Variants in LRRFIP2 observed in about 807,000 individuals in gnomAD.
LRRFIP2 encodes the protein LRR binding FLII interacting protein 2, also known as leucine-rich repeat flightless-interacting protein 2.
In LRRFIP2, 109 loss-of-function variants were observed where a neutral mutation model predicts 125.9. The observed-to-expected ratio is 0.87, with a 90% confidence interval of 0.74 to 1.01. The LOEUF (loss-of-function observed/expected upper bound fraction) is 1.01. LRRFIP2 is among the 50% of genes least tolerant of loss of function. The pLI is 0.00. For synonymous variants in LRRFIP2, 291 were observed against 293.1 expected, an observed-to-expected ratio of 0.99 and a Z score of 0.07; for missense variants, 850 against 862.3, an observed-to-expected ratio of 0.99 and a Z score of 0.18.
At position 37,105,438 on chromosome 3, in the gene LRRFIP2, A is replaced by T; in HGVS notation, c.783+17T>A. ...TTTAAAACTCATCTTATTTCTTTGC[A>T]TGCAAATCATGCTCACCACACTCTC... On this transcript the variant is annotated intron_variant, in intron 14 of 27. Transcript: ENST00000336686. 1 of 1,608,922 alleles carries T rather than the reference A, an allele frequency of 6.2e-7. No individual in the cohort carries two copies. The highest frequency in any genetic ancestry group is 1.1e-5 in the South Asian group (1 of 90,974).
At chr3:37,098,319 G>A (rs2093831163) in intron 15 of LRRFIP2, among the ~76,000 whole-genome samples, 1 of 151,170 alleles carries the variant, frequency 6.6e-6, no homozygotes, top group Non-Finnish European at 1.5e-5. Flanking sequence ...GGGTACATGT[G>A]TACAACGTGC....
intron 2 of LRRFIP2, among the ~76,000 whole-genome samples, chr3:37,147,083 T>C (rs2095873946): frequency 6.6e-6 from 1 of 151,166 alleles, no homozygotes; most frequent in Non-Finnish European, 1.5e-5. Flanking sequence ...AAAGAAGCAA[T>C]GTATGCAGCC....
chr3:37,116,023 A>T (rs543403153), intron 6 of LRRFIP2, among the ~76,000 whole-genome samples: 1 of 152,316 alleles, frequency 6.6e-6, no homozygotes, highest in African/African-American at 2.4e-5. Context: ...TCTTATATTC[A>T]TTTAAAATTT....
rs774564606 is a variant in LRRFIP2, at chr3:37,054,394, C to T, written c.2055+17G>A. On this transcript the variant is annotated intron_variant, in intron 27 of 27. Coordinates refer to ENST00000336686, the MANE Select transcript of LRRFIP2 (RefSeq NM_006309.4). ...TTTTAGGAATGTATTCTCCAAGAAA[C>T]ATATTAAAAGAAGTACCTCTCGTTG... is the stretch of plus-strand genomic sequence containing the variant. 1.9e-6 allele frequency: 3 copies of T among 1,576,036 alleles called. No homozygotes were observed. The highest frequency in any genetic ancestry group is 1.7e-6 in the Non-Finnish European group (2 of 1,147,762).
At chr3:37,091,870 T>A (rs958036450) in intron 17 of LRRFIP2, among the ~76,000 whole-genome samples, 77 of 152,348 alleles carry the variant, frequency 5.1e-4, no homozygotes, top group African/African-American at 1.8e-3. Flanking sequence ...ATACAACTTT[T>A]AATATTTTAT....
intron 24 of LRRFIP2, among the ~76,000 whole-genome samples, chr3:37,061,843 A>G (rs2088845481): frequency 6.6e-6 from 1 of 152,112 alleles, no homozygotes; most frequent in Non-Finnish European, 1.5e-5. Context: ...TCATCATTAG[A>G]CAATTGTAAT....
At chr3:37,074,501 A>G (rs1015697364) in intron 20 of LRRFIP2, among the ~76,000 whole-genome samples, 6 of 152,226 alleles carry the variant, frequency 3.9e-5, no homozygotes, top group Non-Finnish European at 8.8e-5. Context: ...TTGGTAGACT[A>G]TGCTTCATTC....
chr3:37,172,370 T>C (rs1160009974), intron 1 of LRRFIP2, among the ~76,000 whole-genome samples: 2 of 152,172 alleles, frequency 1.3e-5, no homozygotes, highest in East Asian at 1.9e-4. Flanking sequence ...GTAAGAAATA[T>C]GTGCTAAATA....
intron 1 of LRRFIP2, among the ~76,000 whole-genome samples, chr3:37,151,708 C>T (rs1381436637): frequency 1.3e-5 from 2 of 151,954 alleles, no homozygotes; most frequent in Non-Finnish European, 2.9e-5. Context: ...AGCAATTCTC[C>T]TGCCTCAGCT....
At chr3:37,109,470 A>G in intron 11 of LRRFIP2, 57 bp downstream of exon 11, 1 of 1,570,102 alleles carries the variant, frequency 6.4e-7, no homozygotes, top group Non-Finnish European at 8.8e-7. Flanking sequence ...CCATAGAGTT[A>G]GCACCATGAC....
At chr3:37,076,808 G>C (rs997870027) in intron 19 of LRRFIP2, among the ~76,000 whole-genome samples, 1 of 152,114 alleles carries the variant, frequency 6.6e-6, no homozygotes, top group African/African-American at 2.4e-5. Flanking sequence ...GGAGATTGTG[G>C]TGAGCCGAGA....
At chr3:37,073,959 T>C (rs1434545373) in intron 20 of LRRFIP2, among the ~76,000 whole-genome samples, 4 of 152,202 alleles carry the variant, frequency 2.6e-5, no homozygotes, top group African/African-American at 9.6e-5. Context: ...TCCTACCTTA[T>C]ATGGAGAAAA....
At position 37,065,866 on chromosome 3, in the gene LRRFIP2, G is replaced by A. The variant is rs983341461; in HGVS notation, c.1643C>T (p.Thr548Ile). 1.9e-6 allele frequency: 3 copies of A among 1,614,052 alleles called. No homozygotes were observed. The African/African-American group carries it at 4.0e-5, about 22-fold the overall frequency. The change falls in exon 23 of 28, where the codon ACT (threonine) becomes ATT (isoleucine). Residue 548 changes from threonine (T) to isoleucine (I), a missense_variant. Thr to Ile is a moderately conservative substitution (Grantham distance 89). Coordinates refer to ENST00000336686, the MANE Select transcript of LRRFIP2 (RefSeq NM_006309.4). ...CTGAGCAGCTTCCTGAGACACAACA[G>A]TGATGGCTCCAGCCACTGGTTCATG... ...VSHEPVAGAI[T>I]VVSQEAAQVL...
chr3:37,058,843 C>T lies in LRRFIP2; in HGVS notation c.1817G>A (p.Gly606Asp), dbSNP rs776464308. Reference protein sequence around the residue: ...QKCSRNDGTVGDLAGLQNGSD... With the variant: ...QKCSRNDGTVDDLAGLQNGSD... ...GCCATTCTGCAGTCCTGCCAGGTCA[C>T]CCACTGTGCCATCATTCCTGGAGCA... Residue 606 changes from glycine (G) to aspartate (D), a missense_variant, in exon 25 of 28, where the codon GGT becomes GAT. Transcript: ENST00000336686. The T allele has an allele frequency of 6.2e-7, 1 of 1,614,048 alleles. No homozygotes were observed. Among genetic ancestry groups the T allele is most frequent in the Non-Finnish European group, 8.5e-7 (1 of 1,179,974 alleles).
At chr3:37,133,870 G>C (rs1192716744) in intron 2 of LRRFIP2, among the ~76,000 whole-genome samples, 1 of 152,156 alleles carries the variant, frequency 6.6e-6, no homozygotes, top group Non-Finnish European at 1.5e-5. Context: ...GAAGTATTCA[G>C]AAGCCTAAAT....
chr3:37,098,197 A>G (rs951516320), intron 15 of LRRFIP2, among the ~76,000 whole-genome samples: 1 of 152,124 alleles, frequency 6.6e-6, no homozygotes, highest in Admixed American at 6.6e-5. Context: ...AAAAACTCTG[A>G]AAAAGAAACT....
chr3:37,137,959 T>A (rs1346278183), intron 2 of LRRFIP2, among the ~76,000 whole-genome samples: 2 of 152,326 alleles, frequency 1.3e-5, no homozygotes, highest in Non-Finnish European at 2.9e-5. Flanking sequence ...CCTCTCCATC[T>A]ACTCCAACAG....
chr3:37,167,196 CCA>C (rs1491363105), intron 1 of LRRFIP2, among the ~76,000 whole-genome samples: 1,936 of 55,802 alleles, frequency 0.035, 44 homozygotes, highest in African/African-American at 0.079. Context: ...AATCTTGTCT[CCA>C]AAAAAAAAAA....
chr3:37,081,476 C>T (rs2092632716), intron 19 of LRRFIP2, among the ~76,000 whole-genome samples: 1 of 151,974 alleles, frequency 6.6e-6, no homozygotes, highest in South Asian at 2.1e-4. Flanking sequence ...TTGTTTAGAA[C>T]AAGAGAGCTC....
Sources: allele counts gnomAD v4.1 joint callset (sites outside exome capture counted in the v4.1 genomes callset), GRCh38; gene constraint gnomAD v4.1.1; transcripts MANE v1.5; gene names NCBI Gene and HGNC (gene_info 2026-07-23, HGNC 2026-07-21).